The following TENM3 variants were observed in gnomAD, a reference collection of about 807,000 sequenced individuals.
TENM3 encodes the protein teneurin transmembrane protein 3.
TENM3 carries 63 observed loss-of-function variants against 255.1 expected under a neutral mutation model. That is an observed-to-expected ratio of 0.25 (90% confidence interval 0.20 to 0.30). TENM3 has a LOEUF of 0.30. TENM3 is among the 10% of genes least tolerant of loss of function. The pLI is 1.00. For synonymous variants in TENM3, 1,306 were observed against 1,322.3 expected, an observed-to-expected ratio of 0.99 and a Z score of 0.27; for missense variants, 2,929 against 3,461.1, an observed-to-expected ratio of 0.85 and a Z score of 3.86.
chr4:182,212,559 G>T (rs1755124681), intron 1 of TENM3, among the ~76,000 whole-genome samples: 1 of 151,968 alleles, frequency 6.6e-6, no homozygotes, highest in Non-Finnish European at 1.5e-5. Flanking sequence ...CACTTTACAT[G>T]TTGTTCACCC....
At chr4:182,654,259 A>G (rs1433187872) in intron 6 of TENM3, among the ~76,000 whole-genome samples, 2 of 152,174 alleles carry the variant, frequency 1.3e-5, no homozygotes, top group African/African-American at 2.4e-5. Context: ...GTGGAGTTGG[A>G]ACACTGTATT....
the TENM3 span, among the ~76,000 whole-genome samples, chr4:181,779,443 A>C: frequency 6.6e-6 from 1 of 152,030 alleles, no homozygotes; most frequent in East Asian, 1.9e-4. Flanking sequence ...AAGCTGACAC[A>C]GTCCAAAACC....
chr4:181,504,383 G>A, the TENM3 span, among the ~76,000 whole-genome samples: 1 of 152,142 alleles, frequency 6.6e-6, no homozygotes, highest in Non-Finnish European at 1.5e-5. Context: ...CCAAGAGCAG[G>A]CTCCTTCTAA....
the TENM3 span, among the ~76,000 whole-genome samples, chr4:181,530,658 C>T: frequency 6.6e-6 from 1 of 152,156 alleles, no homozygotes; most frequent in African/African-American, 2.4e-5. Flanking sequence ...ATGCATCTTC[C>T]TTTTCAAATT....
chr4:181,503,571 CGG>C, the TENM3 span, among the ~76,000 whole-genome samples: 34 of 152,180 alleles, frequency 2.2e-4, no homozygotes, highest in Middle Eastern at 0.017. Flanking sequence ...CATCATGTAT[CGG>C]GGAACTTTTC....
At chr4:182,425,247 C>A (rs2151159908) in intron 3 of TENM3, among the ~76,000 whole-genome samples, 1 of 152,208 alleles carries the variant, frequency 6.6e-6, no homozygotes, top group East Asian at 1.9e-4. Flanking sequence ...GTCTCTGGAG[C>A]AATATGTTCA....
chr4:181,868,810 T>C, the TENM3 span, among the ~76,000 whole-genome samples: 1 of 152,290 alleles, frequency 6.6e-6, no homozygotes, highest in South Asian at 2.1e-4. Context: ...GCATAATAAA[T>C]GACAAAATAG....
At chr4:181,797,331 C>T in the TENM3 span, among the ~76,000 whole-genome samples, 3 of 152,050 alleles carry the variant, frequency 2.0e-5, no homozygotes, top group Non-Finnish European at 4.4e-5. Context: ...AAAGGGACAC[C>T]TCAGGAGAAC....
At chr4:182,785,627 G>A (rs1443196731) in intron 24 of TENM3, among the ~76,000 whole-genome samples, 1 of 147,618 alleles carries the variant, frequency 6.8e-6, no homozygotes, top group African/African-American at 2.5e-5. Flanking sequence ...AGGATCACTT[G>A]AGCCCAGACA....
At chr4:182,239,800 G>A (rs1441690539), upstream of TENM3, among the ~76,000 whole-genome samples, 1 of 151,690 alleles carries the variant, frequency 6.6e-6, no homozygotes, top group East Asian at 1.9e-4. Flanking sequence ...CGCAAAAAAA[G>A]CTTTACTGGA....
Position 182,799,331 on chromosome 4 carries a change from CTA to C in TENM3, c.7345-263_7345-262del, listed in dbSNP as rs1766726773. 1.3e-5 allele frequency among the ~76,000 whole-genome samples: 2 copies of C among 152,208 alleles called. No homozygotes were observed. The highest frequency in any genetic ancestry group is 2.9e-5 in the Non-Finnish European group (2 of 68,020). On this transcript the variant is annotated intron_variant, in intron 27 of 27. Transcript: ENST00000511685. The surrounding 1 kb of genome is among the most constrained non-coding windows in gnomAD (Gnocchi z 4.2). Reference sequence around the variant, plus strand: ...TGTAAGAGAAAAGCAAGAAACAGGACTATTTTTCCCATGTTAGAAACGAAGAA... The same window carrying C: ...TGTAAGAGAAAAGCAAGAAACAGGACTTTTTCCCATGTTAGAAACGAAGAA...
chr4:182,310,737 C>A (rs1219976477), intron 1 of TENM3, among the ~76,000 whole-genome samples: 1 of 151,860 alleles, frequency 6.6e-6, no homozygotes, highest in Non-Finnish European at 1.5e-5. Flanking sequence ...GACAGAGTCT[C>A]ACTCTGTTGA....
the TENM3 span, among the ~76,000 whole-genome samples, chr4:181,888,536 G>A: frequency 0.01 from 707 of 69,086 alleles, 9 homozygotes; most frequent in African/African-American, 0.021. Flanking sequence ...ACATATATGT[G>A]TATATATATA....
chr4:182,419,424 A>C (rs1770637333), intron 3 of TENM3, among the ~76,000 whole-genome samples: 1 of 152,184 alleles, frequency 6.6e-6, no homozygotes, highest in African/African-American at 2.4e-5. Context: ...TGTTGGTGGG[A>C]GTGTAAACTA....
chr4:182,442,795 T>C (rs1056257133), intron 3 of TENM3, among the ~76,000 whole-genome samples: 1 of 151,450 alleles, frequency 6.6e-6, no homozygotes, highest in Non-Finnish European at 1.5e-5. Flanking sequence ...TATGTGTGTG[T>C]GTGTGTGTGT....
rs555413218 is a variant in TENM3 at position 182,203,592 on chromosome 4, G to A, written c.-76+58838G>A. Among the ~76,000 whole-genome samples, 17 of 152,320 alleles carry A rather than the reference G, an allele frequency of 1.1e-4. No homozygotes were observed. The East Asian group carries it at 3.3e-3, about 30-fold the overall frequency. Reference sequence around the variant, plus strand: ...CCAACAGACTTGAGTTGGAGCAGCGGTTGCTCTTCCTAACTCCCTTTCCCC... The same window carrying A: ...CCAACAGACTTGAGTTGGAGCAGCGATTGCTCTTCCTAACTCCCTTTCCCC... On this transcript the variant is annotated intron_variant, in intron 1 of 2. Coordinates refer to the TENM3 transcript ENST00000512480.
intron 12 of TENM3, chr4:182,707,998 T>C (rs930546618): frequency 6.7e-6 from 1 of 150,132 alleles, no homozygotes; most frequent in Non-Finnish European, 1.5e-5. Context: ...CCTTTTTTTT[T>C]TTCTTTTTTT....
intron 3 of TENM3, among the ~76,000 whole-genome samples, chr4:182,351,092 C>CTTTTTTTTTTT (rs5864780): frequency 6.6e-6 from 1 of 151,180 alleles, no homozygotes; most frequent in African/African-American, 2.4e-5. Context: ...GAACAAAGGG[C>CTTTTTTTTTTT]TTTTTTTTAT....
rs545190503 is a variant in TENM3, at chr4:182,703,860, A to C, written c.2222-10227A>C. On this transcript the variant is annotated intron_variant, in intron 12 of 27. Transcript: ENST00000511685. ...ACAAAAGTGGCAATTACAGACAAAA[A>C]ATTCTACCCATTGATATTGCCCAGA... Among the ~76,000 whole-genome samples, 100 of 152,288 alleles carry C rather than the reference A, an allele frequency of 6.6e-4. 2 individuals carry two copies. The South Asian group carries it at 0.02, about 31-fold the overall frequency.
Sources: allele counts gnomAD v4.1 joint callset (sites outside exome capture counted in the v4.1 genomes callset), GRCh38; gene constraint gnomAD v4.1.1; non-coding constraint Gnocchi (gnomAD v3.1); transcripts MANE v1.5; gene names NCBI Gene and HGNC (gene_info 2026-07-23, HGNC 2026-07-21).